Variants in PLEKHA2 observed in about 807,000 individuals in gnomAD.
PLEKHA2 encodes pleckstrin homology domain-containing family A member 2.
PLEKHA2 carries 28 observed loss-of-function variants against 53.2 expected under a neutral mutation model. The ratio of observed to expected loss-of-function variants is 0.53; its 90% CI spans 0.39 to 0.72. The LOEUF (loss-of-function observed/expected upper bound fraction) is 0.72. Among genes scored for constraint, PLEKHA2 ranks in the 30% least tolerant of loss-of-function variants. The probability of loss-of-function intolerance (pLI) is 0.00; values close to 1 mark genes in which losing one functional copy is unlikely to be tolerated. For synonymous variants in PLEKHA2, 193 were observed against 196.4 expected (o/e 0.98, Z 0.14); for missense variants, 426 against 537.9 (o/e 0.79, Z 2.06).
chr8:38,948,474 G>A (rs1834758746), intron 5 of PLEKHA2, among the ~76,000 whole-genome samples: 3 of 152,204 alleles, frequency 2.0e-5, no homozygotes, highest in South Asian at 4.1e-4. Flanking sequence ...GTAACTGCTG[G>A]TATCTCTCAG....
intron 1 of PLEKHA2, among the ~76,000 whole-genome samples, chr8:38,904,231 A>C (rs1280386504): frequency 6.6e-6 from 1 of 152,178 alleles, no homozygotes; most frequent in Non-Finnish European, 1.5e-5. Context: ...CAGTTGACTG[A>C]AGTGATTTGT....
intron 10 of PLEKHA2, among the ~76,000 whole-genome samples, chr8:38,960,143 C>T (rs1041293515): frequency 1.3e-5 from 2 of 152,116 alleles, no homozygotes; most frequent in African/African-American, 2.4e-5. Context: ...TTCTAATCAC[C>T]CCATCTTCCA....
chr8:38,967,914 G>T (rs898721645), intron 10 of PLEKHA2, among the ~76,000 whole-genome samples: 1 of 152,052 alleles, frequency 6.6e-6, no homozygotes, highest in African/African-American at 2.4e-5. Flanking sequence ...CACCCGCCTC[G>T]ACCTCCCAAG....
chr8:38,963,619 A>G (rs1223356232), intron 10 of PLEKHA2, among the ~76,000 whole-genome samples: 1 of 152,204 alleles, frequency 6.6e-6, no homozygotes, highest in African/African-American at 2.4e-5. Context: ...CATGCCTGTA[A>G]TCCCAGCACT....
intron 3 of PLEKHA2, among the ~76,000 whole-genome samples, chr8:38,940,093 T>TAAAA (rs71216698): frequency 1.9e-5 from 2 of 106,638 alleles, no homozygotes; most frequent in Non-Finnish European, 1.8e-5. Flanking sequence ...CCCTATCTCT[T>TAAAA]AAAAAAAAAA....
intron 1 of PLEKHA2, among the ~76,000 whole-genome samples, chr8:38,902,387 G>A (rs61171823): frequency 0.076 from 11,642 of 152,200 alleles, 554 homozygotes; most frequent in East Asian, 0.2. Context: ...CCTTCTTGGT[G>A]AACGCAGGTT....
At chr8:38,934,994 A>G (rs1011700666) in intron 2 of PLEKHA2, among the ~76,000 whole-genome samples, 11 of 152,086 alleles carry the variant, frequency 7.2e-5, no homozygotes, top group Admixed American at 1.3e-4. Context: ...ATTAATTCCA[A>G]GTGCTCTTAA....
intron 1 of PLEKHA2, 94 bp downstream of exon 1, chr8:38,901,539 G>A (rs968677548): frequency 1.6e-4 from 25 of 152,146 alleles, no homozygotes; most frequent in Non-Finnish European, 1.5e-5. Flanking sequence ...CGCCCCGGCG[G>A]AGGCCTGGCG....
intron 9 of PLEKHA2, among the ~76,000 whole-genome samples, chr8:38,956,825 C>T (rs1269576817): frequency 6.6e-6 from 1 of 152,172 alleles, no homozygotes; most frequent in Non-Finnish European, 1.5e-5. Flanking sequence ...GTCATTTAAG[C>T]TCTGACCCTG....
intron 5 of PLEKHA2, among the ~76,000 whole-genome samples, chr8:38,947,459 T>A (rs947632827): frequency 1.7e-4 from 25 of 151,286 alleles, no homozygotes; most frequent in Admixed American, 9.9e-4. Flanking sequence ...TCAAAAAAAA[T>A]AAAAAATAAA....
chr8:38,960,650 GCTT>G (rs1245816442), intron 10 of PLEKHA2, among the ~76,000 whole-genome samples: 1 of 152,156 alleles, frequency 6.6e-6, no homozygotes, highest in Non-Finnish European at 1.5e-5. Flanking sequence ...TCTCCTATCT[GCTT>G]CTGCATTCTA....
chr8:38,927,714 T>A (rs1243012874), intron 2 of PLEKHA2, among the ~76,000 whole-genome samples: 4 of 152,176 alleles, frequency 2.6e-5, no homozygotes, highest in African/African-American at 9.7e-5. Flanking sequence ...ATCCACAGTA[T>A]ATGGTAATGA....
At chr8:38,936,333 G>A (rs1368716896) in intron 3 of PLEKHA2, among the ~76,000 whole-genome samples, 1 of 152,226 alleles carries the variant, frequency 6.6e-6, no homozygotes, top group Non-Finnish European at 1.5e-5. Flanking sequence ...TTATGTGGTG[G>A]TGGAGCTGGG....
intron 2 of PLEKHA2, among the ~76,000 whole-genome samples, chr8:38,927,116 G>T (rs1292257089): frequency 6.6e-6 from 1 of 152,180 alleles, no homozygotes; most frequent in Non-Finnish European, 1.5e-5. Context: ...TCTTTGGTAT[G>T]TTGTTGTTAG....
intron 10 of PLEKHA2, among the ~76,000 whole-genome samples, chr8:38,967,664 C>CTT (rs1300367568): frequency 7.7e-5 from 11 of 141,984 alleles, no homozygotes; most frequent in Admixed American, 1.4e-4. Context: ...CCTTTGCTCA[C>CTT]TTTTTTTTTT....
chr8:38,964,852 C>CTT lies in PLEKHA2; in HGVS notation c.838-3711_838-3710dup, dbSNP rs56714628. On this transcript the variant is annotated intron_variant, in intron 10 of 11. Transcript: ENST00000617275. ...TATTTTATTTTTTCTTGTTACTTCCCTTTTTTTTTTTTTTTTTTTTTTTTT... is the reference window on the plus strand; with the variant it reads ...TATTTTATTTTTTCTTGTTACTTCCCTTTTTTTTTTTTTTTTTTTTTTTTTTT... Among the ~76,000 whole-genome samples, 324 of 54,970 alleles carry CTT rather than the reference C, an allele frequency of 5.9e-3. 120 individuals carry two copies. The highest frequency in any genetic ancestry group is 0.045 in the East Asian group (53 of 1,168). The allele number at this position is 54,970 out of a possible 152,430, so 36.1% of individuals were successfully genotyped here.
At chr8:38,919,416 A>C (rs1219182208) in intron 2 of PLEKHA2, among the ~76,000 whole-genome samples, 1 of 151,802 alleles carries the variant, frequency 6.6e-6, no homozygotes, top group East Asian at 1.9e-4. Flanking sequence ...CCTACCCTTG[A>C]GTGATTTGGT....
intron 4 of PLEKHA2, among the ~76,000 whole-genome samples, chr8:38,944,064 C>G (rs1834662132): frequency 6.6e-6 from 1 of 151,524 alleles, no homozygotes; most frequent in African/African-American, 2.4e-5. Flanking sequence ...TTTCTGTTTT[C>G]TTTCTTTTTT....
chr8:38,969,541 A>T lies in PLEKHA2; in HGVS notation c.1036A>T (p.Lys346Ter). The change falls in exon 12 of 12, where the codon AAA (lysine) becomes TAA (stop). Residue 346 changes from lysine (K) to a stop codon, truncating the protein, a stop_gained. Coordinates refer to ENST00000617275, the MANE Select transcript of PLEKHA2 (RefSeq NM_021623.2). LOFTEE classifies it high-confidence loss of function. ...PPLEEKKALC[K>*]APSVASSWQP... ...TTTGGAGGAAAAGAAAGCCCTCTGC[A>T]AAGCCCCCTCTGTGGCCTCCTCCTG... 1 of 1,612,902 alleles carries T rather than the reference A, an allele frequency of 6.2e-7. No homozygotes were observed. Among genetic ancestry groups the T allele is most frequent in the Non-Finnish European group, 8.5e-7 (1 of 1,179,386 alleles).
Sources: allele counts gnomAD v4.1 joint callset (sites outside exome capture counted in the v4.1 genomes callset), GRCh38; gene constraint gnomAD v4.1.1; transcripts MANE v1.5; gene names NCBI Gene and HGNC (gene_info 2026-07-23, HGNC 2026-07-21).